The following TRDN variants were observed in gnomAD, a reference collection of about 807,000 sequenced individuals.
TRDN encodes the protein triadin, also known as triadin in skeletal muscle.
A neutral mutation model predicts 149.7 loss-of-function variants in TRDN; 161 were observed. That is an observed-to-expected ratio of 1.08 (90% CI 0.95 to 1.23). The LOEUF (loss-of-function observed/expected upper bound fraction) is 1.23. Ranked by LOEUF, TRDN falls within the 50% of genes most tolerant of loss-of-function variation. TRDN has a pLI of 0.00. For missense variants in TRDN, 896 were observed against 823.5 expected, an observed-to-expected ratio of 1.09 and a Z score of -1.08; for synonymous variants, 294 against 250.5, an observed-to-expected ratio of 1.17 and a Z score of -1.64.
chr6:123,245,821 G>A (rs7738134), intron 38 of TRDN, among the ~76,000 whole-genome samples: 126,760 of 152,142 alleles, frequency 0.83, 53,566 homozygotes, highest in African/African-American at 0.95. Flanking sequence ...CTTATTCCAA[G>A]ATTGACCACA....
intron 12 of TRDN, among the ~76,000 whole-genome samples, chr6:123,405,907 A>G (rs1773173887): frequency 6.6e-6 from 1 of 152,158 alleles, no homozygotes; most frequent in Admixed American, 6.5e-5. Flanking sequence ...TCTCTTGAAA[A>G]GCAAATGGAA....
At chr6:123,417,179 CCTTTA>C (rs1396114391) in intron 12 of TRDN, among the ~76,000 whole-genome samples, 9 of 152,306 alleles carry the variant, frequency 5.9e-5, no homozygotes, top group African/African-American at 1.9e-4. Context: ...CCTGCATCTC[CCTTTA>C]TATCTGTCTC....
chr6:123,606,480 T>C (rs1784534386), intron 1 of TRDN, among the ~76,000 whole-genome samples: 3 of 152,046 alleles, frequency 2.0e-5, no homozygotes, highest in Admixed American at 2.0e-4. Flanking sequence ...AAGTATATCT[T>C]AAATTTTCAT....
chr6:123,464,016 A>C (rs1776639763), intron 10 of TRDN, among the ~76,000 whole-genome samples: 1 of 151,898 alleles, frequency 6.6e-6, no homozygotes, highest in Non-Finnish European at 1.5e-5. Flanking sequence ...AGGTGTTTCT[A>C]CCCCTTTCTA....
Position 123,366,188 on chromosome 6 carries a change from A to C in TRDN, c.1274-6T>G, listed in dbSNP as rs1034356533. ...CTCTTTGGCTCGTTCAGTTTCTGCA[A>C]GTTCAGATATTAAAGGAATGAGAAG... On this transcript the variant is annotated splice_polypyrimidine_tract_variant and splice_region_variant and intron_variant, in intron 19 of 40. Coordinates refer to ENST00000334268, the MANE Select transcript of TRDN (RefSeq NM_006073.4). 1.2e-6 allele frequency: 2 copies of C among 1,612,830 alleles called. No individual in the cohort carries two copies. The highest frequency in any genetic ancestry group is 1.3e-5 in the African/African-American group (1 of 75,044).
chr6:123,276,312 GA>G (rs1777365114), intron 26 of TRDN, among the ~76,000 whole-genome samples: 1 of 152,058 alleles, frequency 6.6e-6, no homozygotes, highest in African/African-American at 2.4e-5. Flanking sequence ...GCCACTAAAG[GA>G]AAGGTAATAT....
intron 8 of TRDN, chr6:123,503,076 G>A (rs1778768386): frequency 1.0e-6 from 1 of 985,184 alleles, no homozygotes; most frequent in Non-Finnish European, 1.2e-6. Flanking sequence ...AAGTGGGGAT[G>A]TAAGTTTGAC....
chr6:123,221,978 C>T (rs929618683), intron 39 of TRDN, among the ~76,000 whole-genome samples: 4 of 151,754 alleles, frequency 2.6e-5, no homozygotes, highest in East Asian at 1.9e-4. Context: ...GAGCAGCAGC[C>T]CAGTATCCTG....
intron 1 of TRDN, among the ~76,000 whole-genome samples, chr6:123,573,434 T>C (rs948655897): frequency 6.6e-6 from 1 of 152,076 alleles, no homozygotes; most frequent in African/African-American, 2.4e-5. Flanking sequence ...CCAGCACAAC[T>C]ATGACTCTCA....
At chr6:123,332,392 A>C (rs528050030) in intron 22 of TRDN, among the ~76,000 whole-genome samples, 1 of 152,188 alleles carries the variant, frequency 6.6e-6, no homozygotes, top group Non-Finnish European at 1.5e-5. Context: ...CTCAAACTTG[A>C]GAATAAGACC....
intron 23 of TRDN, among the ~76,000 whole-genome samples, chr6:123,319,201 GAT>G (rs766468991): frequency 1.1e-4 from 16 of 152,000 alleles, no homozygotes; most frequent in Non-Finnish European, 2.1e-4. Context: ...TAAATTGCAT[GAT>G]CTTTCAAAGT....
chr6:123,329,984 C>A (rs1028345291), intron 23 of TRDN, among the ~76,000 whole-genome samples: 4 of 151,934 alleles, frequency 2.6e-5, no homozygotes, highest in African/African-American at 9.7e-5. Flanking sequence ...ATATGTTGCC[C>A]CTGTCCCCAT....
intron 10 of TRDN, among the ~76,000 whole-genome samples, chr6:123,453,993 G>A (rs2063018879): frequency 6.6e-6 from 1 of 152,030 alleles, no homozygotes; most frequent in African/African-American, 2.4e-5. Flanking sequence ...ACCTGGATGA[G>A]ATTGGAGACT....
At chr6:123,245,200 T>C (rs574701086) in intron 38 of TRDN, among the ~76,000 whole-genome samples, 4 of 152,176 alleles carry the variant, frequency 2.6e-5, no homozygotes, top group African/African-American at 9.6e-5. Context: ...ATATGCAAAA[T>C]AGCCAGCTGG....
chr6:123,511,951 A>T (rs1236809172), intron 7 of TRDN, among the ~76,000 whole-genome samples: 1 of 151,676 alleles, frequency 6.6e-6, no homozygotes, highest in Non-Finnish European at 1.5e-5. Flanking sequence ...AATCCAGGAT[A>T]ACCTCCCTAT....
chr6:123,314,067 C>T (rs1043119669), intron 24 of TRDN, among the ~76,000 whole-genome samples: 3 of 152,036 alleles, frequency 2.0e-5, no homozygotes, highest in Non-Finnish European at 4.4e-5. Context: ...AGACAACCTA[C>T]AGAATGGAAG....
Position 123,635,957 on chromosome 6 carries a change from G to A in TRDN, c.22+797C>T, listed in dbSNP as rs997044195. 3.4e-4 allele frequency among the ~76,000 whole-genome samples: 51 copies of A among 151,686 alleles called. 1 individual carries two copies. Among genetic ancestry groups the A allele is most frequent in the African/African-American group, 1.2e-3 (50 of 41,298 alleles). On this transcript the variant is annotated intron_variant, in intron 1 of 40. Transcript: ENST00000334268. ...ATATATAACTAGCAACCATCAAATA[G>A]AAGATATGTATTATAGTATGTAGCT...
intron 2 of TRDN, among the ~76,000 whole-genome samples, chr6:123,558,112 C>T (rs1431875046): frequency 6.6e-6 from 1 of 152,222 alleles, no homozygotes; most frequent in East Asian, 1.9e-4. Flanking sequence ...GCCTGACGTC[C>T]AGGCATTCTT....
intron 1 of TRDN, among the ~76,000 whole-genome samples, chr6:123,613,534 T>A (rs559478425): frequency 8.5e-4 from 130 of 152,182 alleles, no homozygotes; most frequent in African/African-American, 3.0e-3. Context: ...ACTTTTTTTT[T>A]AAATTAAGCA....
Sources: allele counts gnomAD v4.1 joint callset (sites outside exome capture counted in the v4.1 genomes callset), GRCh38; gene constraint gnomAD v4.1.1; transcripts MANE v1.5; gene names NCBI Gene and HGNC (gene_info 2026-07-23, HGNC 2026-07-21).